Variants in NBPF26 observed in about 807,000 individuals in gnomAD.
NBPF26 encodes NBPF family member NBPF26.
A neutral mutation model predicts 119.6 loss-of-function variants in NBPF26; 79 were observed. The ratio of observed to expected loss-of-function variants is 0.66; its 90% CI spans 0.55 to 0.80. NBPF26 has a LOEUF of 0.80. NBPF26 is among the 30% of genes least tolerant of loss of function. NBPF26 has a pLI of 0.00. For synonymous variants in NBPF26, 299 were observed against 457.7 expected (o/e 0.65, Z 4.43); for missense variants, 800 against 1,198.2 (o/e 0.67, Z 4.91).
At chr1:120,809,386 C>T (rs1651797807) in intron 7 of NBPF26, among the ~76,000 whole-genome samples, 1 of 149,346 alleles carries the variant, frequency 6.7e-6, no homozygotes, top group Non-Finnish European at 1.5e-5. Flanking sequence ...ACATGGAGGG[C>T]CTGTGCAGTC....
chr1:120,792,444 G>T (rs1433743964), intron 3 of NBPF26, among the ~76,000 whole-genome samples: 1 of 94,034 alleles, frequency 1.1e-5, no homozygotes, highest in Non-Finnish European at 1.9e-5. Context: ...TACAGAGGTT[G>T]GAACTTTTGA....
At chr1:120,752,519 A>ATATAT (rs1651027767) in intron 1 of NBPF26, among the ~76,000 whole-genome samples, 3 of 14,664 alleles carry the variant, frequency 2.0e-4, no homozygotes, top group African/African-American at 1.4e-3. Flanking sequence ...GAAGTTCAGG[A>ATATAT]ATATATATAT....
rs1487139908 is a variant in NBPF26 at position 120,784,213 on chromosome 1, CTT to C, written c.156-759_156-758del. ...TAAAACATTTTAAATAGAAATCAAACTTTATTAATACAGTAGGTCTAGTTTCA... is the reference window on the plus strand; with the variant it reads ...TAAAACATTTTAAATAGAAATCAAACTATTAATACAGTAGGTCTAGTTTCA... On this transcript the variant is annotated intron_variant, in intron 2 of 29. Coordinates refer to ENST00000620612, the Ensembl canonical transcript of NBPF26. Among the ~76,000 whole-genome samples the C allele has an allele frequency of 5.9e-5, 7 of 118,428 alleles. 1 individual carries two copies. The highest frequency in any genetic ancestry group is 1.1e-4 in the Non-Finnish European group (7 of 61,352). 77.7% of individuals were successfully genotyped at this position (118,428 alleles called of 152,430 possible). A position where few individuals can be genotyped will look rare whatever the true frequency, so the allele number is the denominator to read the frequency against.
rs1553269758 is a variant in NBPF26, at chr1:120,805,670, A to G, written c.866A>G (p.Gln289Arg). 1.7e-5 allele frequency: 25 copies of G among 1,458,460 alleles called. 8 individuals carry two copies. The highest frequency in any genetic ancestry group is 2.2e-5 in the Non-Finnish European group (24 of 1,079,376). 90.3% of individuals were successfully genotyped at this position (1,458,460 alleles called of 1,614,324 possible). ...GAAATCAACGAGACATTGCGCCCCC[A>G]GCTGCCAGAGAACAAACAGCAGTTG... The change falls in exon 5 of 30, where the codon CAG (glutamine) becomes CGG (arginine). Residue 289 changes from glutamine to arginine, a missense_variant. Around this residue, in one of 13 missense-constraint regions of NBPF26, gnomAD observed 155 missense variants for 143.7 expected, o/e 1.08. Transcript: ENST00000620612.
In NBPF26 at chr1:120,805,532, T is replaced by C. The variant is rs1169863739; in HGVS notation, c.752-24T>C. On this transcript the variant is annotated intron_variant, in intron 4 of 29. Transcript: ENST00000620612. ...GATTTCACCAGTTTTTAACCCATCA[T>C]ATGTTTGGGTTTCTTCTCCCCAGTC... 1,104 of 1,206,680 alleles carry C rather than the reference T, an allele frequency of 9.1e-4. 195 individuals are homozygous for C. The highest frequency in any genetic ancestry group is 5.4e-3 in the Middle Eastern group (20 of 3,728). The allele number at this position is 1,206,680 out of a possible 1,614,324, so 74.7% of individuals were successfully genotyped here.
intron 1 of NBPF26, among the ~76,000 whole-genome samples, chr1:120,756,308 TC>T (rs1320851953): frequency 8.6e-6 from 1 of 116,032 alleles, no homozygotes; most frequent in Non-Finnish European, 1.7e-5. Context: ...ACAGCCAAGA[TC>T]CTAGGGCGTA....
Position 120,823,829 on chromosome 1 carries a change from C to A in NBPF26, c.2640-145C>A, listed in dbSNP as rs1160322844. ...TCTACCTGGCCCTGTTCTATCCCAA[C>A]ATAAAGGCAATAATCTGTTACCTCA... On this transcript the variant is annotated intron_variant, in intron 17 of 29. Transcript: ENST00000620612. 1.1e-4 allele frequency: 59 copies of A among 558,246 alleles called. 12 individuals are homozygous for A. Among genetic ancestry groups the A allele is most frequent in the Non-Finnish European group, 6.4e-5 (20 of 312,572 alleles). The allele number at this position is 558,246 out of a possible 1,614,324, so 34.6% of individuals were successfully genotyped here.
Position 120,814,770 on chromosome 1 carries a change from A to G in NBPF26, c.1878-59A>G, listed in dbSNP as rs1358992196. Reference sequence around the variant, plus strand: ...TTGTCTCAGAAATCTCTGTTGCAATATTTGAGCGGATCACTCAACCCTTTC... The same window carrying G: ...TTGTCTCAGAAATCTCTGTTGCAATGTTTGAGCGGATCACTCAACCCTTTC... On this transcript the variant is annotated intron_variant, in intron 11 of 29. Coordinates refer to ENST00000620612, the Ensembl canonical transcript of NBPF26. 2.6e-4 allele frequency: 280 copies of G among 1,067,052 alleles called. 80 individuals are homozygous for G. The African/African-American group carries it at 4.6e-3, about 18-fold the overall frequency. 66.1% of individuals were successfully genotyped at this position (1,067,052 alleles called of 1,614,324 possible).
At position 120,768,135 on chromosome 1, in the gene NBPF26, C is replaced by T. The variant is rs1228329649; in HGVS notation, c.155+4426C>T. Among the ~76,000 whole-genome samples, 14 of 107,684 alleles carry T rather than the reference C, an allele frequency of 1.3e-4. 3 individuals are homozygous for T. The highest frequency in any genetic ancestry group is 4.6e-4 in the East Asian group (2 of 4,374). The allele number at this position is 107,684 out of a possible 152,430, so 70.6% of individuals were successfully genotyped here. On this transcript the variant is annotated intron_variant, in intron 2 of 29. Coordinates refer to ENST00000620612, the Ensembl canonical transcript of NBPF26. ...CCTATGGATGCTAGGTTTTAGGACA[C>T]GTTAGGGTGGGCCTACTTCTGTTCT...
chr1:120,793,359 A>C lies in NBPF26; in HGVS notation c.614A>C (p.Tyr205Ser), dbSNP rs1171423912. The C allele has an allele frequency of 2.1e-6, 3 of 1,423,768 alleles. 1 individual carries two copies. Among genetic ancestry groups the C allele is most frequent in the Non-Finnish European group, 2.8e-6 (3 of 1,063,572 alleles). 88.2% of individuals were successfully genotyped at this position (1,423,768 alleles called of 1,614,324 possible). A position where few individuals can be genotyped will look rare whatever the true frequency, so the allele number is the denominator to read the frequency against. Residue 205 changes from tyrosine to serine, a missense_variant, in exon 4 of 30, where the codon TAC becomes TCC. By Grantham distance (144) the Tyr-to-Ser change is moderately radical. Coordinates refer to ENST00000620612, the Ensembl canonical transcript of NBPF26. ...ACCTGCCTCAACCTGCCTGGTTCCTACCAGTGCCAGTGCCTTCAGGGCTTC... is the reference window on the plus strand; with the variant it reads ...ACCTGCCTCAACCTGCCTGGTTCCTCCCAGTGCCAGTGCCTTCAGGGCTTC...
In NBPF26 at chr1:120,832,695, G is replaced by C. The variant is rs1230077646; in HGVS notation, c.3263-180G>C. Among the ~76,000 whole-genome samples, 2 of 120,570 alleles carry C rather than the reference G, an allele frequency of 1.7e-5. 1 individual carries two copies. Among genetic ancestry groups the C allele is most frequent in the Admixed American group, 1.6e-4 (2 of 12,804 alleles). The allele number at this position is 120,570 out of a possible 152,430, so 79.1% of individuals were successfully genotyped here. A position where few individuals can be genotyped will look rare whatever the true frequency, so the allele number is the denominator to read the frequency against. ...AGGGACACTTTACCCACAGTTTCTGGGAGAAAAACCGAGGAATTTCTATCA... is the reference window on the plus strand; with the variant it reads ...AGGGACACTTTACCCACAGTTTCTGCGAGAAAAACCGAGGAATTTCTATCA... On this transcript the variant is annotated intron_variant, in intron 22 of 29. Coordinates refer to ENST00000620612, the Ensembl canonical transcript of NBPF26.
chr1:120,838,418 C>G (rs1475855152), intron 27 of NBPF26, among the ~76,000 whole-genome samples: 126 of 16,936 alleles, frequency 7.4e-3, no homozygotes, highest in African/African-American at 0.029. Context: ...TGCTGTGTGT[C>G]CTGAGGGCAC....
chr1:120,804,932 T>G (rs1202485278), intron 4 of NBPF26, among the ~76,000 whole-genome samples: 1 of 120,292 alleles, frequency 8.3e-6, no homozygotes, highest in Non-Finnish European at 1.6e-5. Flanking sequence ...GCTAAAAGTT[T>G]GATATCTTAC....
Position 120,805,162 on chromosome 1 carries a change from A to T in NBPF26, c.752-394A>T, listed in dbSNP as rs1651650368. Among the ~76,000 whole-genome samples, 2 of 120,162 alleles carry T rather than the reference A, an allele frequency of 1.7e-5. 1 individual carries two copies. Among genetic ancestry groups the T allele is most frequent in the South Asian group, 4.8e-4 (2 of 4,142 alleles). 78.8% of individuals were successfully genotyped at this position (120,162 alleles called of 152,430 possible). ...CACGAATACTGAGAGTGAATGCTGA[A>T]GGAATGATCCCCATTGGTGGTGACC... On this transcript the variant is annotated intron_variant, in intron 4 of 29. Transcript: ENST00000620612.
At chr1:120,819,528 T>C (rs1652085798) in intron 15 of NBPF26, among the ~76,000 whole-genome samples, 1 of 103,366 alleles carries the variant, frequency 9.7e-6, no homozygotes, top group Non-Finnish European at 1.8e-5. Flanking sequence ...CGTTATGATG[T>C]TAGCTGGTTA....
rs1346946938 is a variant in NBPF26 at position 120,816,922 on chromosome 1, A to G, written c.2371+95A>G. On this transcript the variant is annotated intron_variant, in intron 14 of 29. Transcript: ENST00000620612. The stretch of plus-strand genomic sequence containing the variant: ...CTATAAACACAAATTCATTTGAATA[A>G]AAAACTGTGATGGGTTTCTAAACAG... 5.2e-5 allele frequency: 63 copies of G among 1,222,026 alleles called. 12 individuals carry two copies. Among genetic ancestry groups the G allele is most frequent in the Non-Finnish European group, 6.5e-5 (58 of 892,188 alleles). The allele number at this position is 1,222,026 out of a possible 1,614,324, so 75.7% of individuals were successfully genotyped here.
rs1179209827 is a variant in NBPF26, at chr1:120,840,213, A to T, written c.4104-137A>T. 6.3e-5 allele frequency: 81 copies of T among 1,277,798 alleles called. 11 individuals are homozygous for T. In the East Asian group the frequency reaches 8.6e-4, roughly 14 times the overall value. The allele number at this position is 1,277,798 out of a possible 1,614,324, so 79.2% of individuals were successfully genotyped here. A position where few individuals can be genotyped will look rare whatever the true frequency, so the allele number is the denominator to read the frequency against. On this transcript the variant is annotated intron_variant, in intron 29 of 29. Transcript: ENST00000620612. ...GTTCTATCCCAACATAAAGGCAATAAATTTTTTTTTTACCTCATTAATGGA... is the reference window on the plus strand; with the variant it reads ...GTTCTATCCCAACATAAAGGCAATATATTTTTTTTTTACCTCATTAATGGA...
chr1:120,814,667 T>C (rs1310703417), intron 11 of NBPF26, among the ~76,000 whole-genome samples, 162 bp from the exon 12 acceptor site: 1 of 123,360 alleles, frequency 8.1e-6, no homozygotes, highest in East Asian at 2.0e-4. Context: ...CTGTAAACCA[T>C]TTTCTATTCT....
At chr1:120,790,776 T>A (rs1317152632) in intron 3 of NBPF26, among the ~76,000 whole-genome samples, 1 of 107,656 alleles carries the variant, frequency 9.3e-6, no homozygotes. Flanking sequence ...ATTTTTGTAT[T>A]TTTAGAAAAG....
Sources: gnomAD v4.1 joint callset for allele counts (sites outside exome capture counted in the v4.1 genomes callset) on GRCh38, gnomAD v4.1.1 for gene constraint, gnomAD v4.1.1 regional missense constraint, MANE v1.5 for transcripts, NCBI Gene and HGNC (gene_info 2026-07-23, HGNC 2026-07-21) for gene names.